The following RPRD1B variants were observed in gnomAD, a reference collection of about 807,000 sequenced individuals.
RPRD1B encodes regulation of nuclear pre-mRNA domain-containing protein 1B.
In RPRD1B, 11 loss-of-function variants were observed where a neutral mutation model predicts 41.5. The ratio of observed to expected loss-of-function variants is 0.27; its 90% CI spans 0.17 to 0.44. The LOEUF is 0.44. RPRD1B is among the 20% of genes least tolerant of loss of function. The pLI is 1.00. For missense variants in RPRD1B, 248 were observed against 389.9 expected, an observed-to-expected ratio of 0.64 and a Z score of 3.06; for synonymous variants, 158 against 155.6, an observed-to-expected ratio of 1.02 and a Z score of -0.12.
intron 1 of RPRD1B, among the ~76,000 whole-genome samples, chr20:38,038,490 G>T (rs143372860): frequency 2.8e-3 from 215 of 76,730 alleles, no homozygotes; most frequent in African/African-American, 6.0e-3. Flanking sequence ...TTTTTGTTTT[G>T]TTTTTTTTTT....
intron 6 of RPRD1B, among the ~76,000 whole-genome samples, chr20:38,080,123 G>A (rs2074499858): frequency 6.6e-6 from 1 of 152,192 alleles, no homozygotes; most frequent in African/African-American, 2.4e-5. Context: ...TTAGGCCTTT[G>A]ATGGTGGCAT....
Position 38,048,460 on chromosome 20 carries a change from T to G in RPRD1B, c.394T>G (p.Ser132Ala). The G allele has an allele frequency of 6.2e-7, 1 of 1,608,806 alleles. No homozygotes were observed. The highest frequency in any genetic ancestry group is 8.5e-7 in the Non-Finnish European group (1 of 1,175,918). ...IQQLKLSMED[S>A]KSPPPKATEE... ...GCAGCTGAAGCTGTCTATGGAGGAC[T>G]CCAAGAGCCCTCCCCCCAAAGGTAG... The change falls in exon 3 of 7, where the codon TCC (serine) becomes GCC (alanine). Residue 132 changes from serine to alanine, a missense_variant. Ser to Ala is a moderately conservative substitution (Grantham distance 99, BLOSUM62 1). Transcript: ENST00000373433.
intron 6 of RPRD1B, chr20:38,083,989 A>T (rs1010866020): frequency 3.3e-5 from 5 of 151,862 alleles, no homozygotes; most frequent in Admixed American, 2.6e-4. Flanking sequence ...TTAAAATGGC[A>T]CTCTTATTTT....
chr20:38,049,908 C>T (rs935576826), intron 3 of RPRD1B: 1 of 463,430 alleles, frequency 2.2e-6, no homozygotes, highest in Non-Finnish European at 4.5e-6. Flanking sequence ...ATTCTTTGGC[C>T]AAACTGAATT....
At chr20:38,046,674 T>A (rs1168372664) in intron 2 of RPRD1B, among the ~76,000 whole-genome samples, 1 of 152,070 alleles carries the variant, frequency 6.6e-6, no homozygotes, top group Non-Finnish European at 1.5e-5. Context: ...TGTGGCCACA[T>A]GGGGAATGTG....
intron 3 of RPRD1B, among the ~76,000 whole-genome samples, chr20:38,053,880 G>A (rs369261188): frequency 3.9e-5 from 6 of 152,306 alleles, no homozygotes; most frequent in East Asian, 3.9e-4. Flanking sequence ...GGATGTGTGC[G>A]TAAGTTATAT....
chr20:38,066,320 GT>G (rs2074355731), intron 6 of RPRD1B, 64 bp downstream of exon 6: 1 of 1,456,464 alleles, frequency 6.9e-7, no homozygotes, highest in Non-Finnish European at 9.4e-7. Context: ...ACATTAGGAG[GT>G]TTTTATTATG....
intron 2 of RPRD1B, among the ~76,000 whole-genome samples, chr20:38,042,489 G>T (rs752072917): frequency 2.6e-5 from 4 of 152,198 alleles, no homozygotes; most frequent in Non-Finnish European, 5.9e-5. Flanking sequence ...TTAAAAACTA[G>T]CCAGGTTTTA....
At chr20:38,076,729 T>C (rs1311737459) in intron 6 of RPRD1B, among the ~76,000 whole-genome samples, 1 of 144,934 alleles carries the variant, frequency 6.9e-6, no homozygotes, top group Non-Finnish European at 1.5e-5. Context: ...CTTGGCTCCC[T>C]TTCTCTTTTT....
At chr20:38,087,180 G>A (rs1485585574) in intron 6 of RPRD1B, among the ~76,000 whole-genome samples, 1 of 152,116 alleles carries the variant, frequency 6.6e-6, no homozygotes, top group East Asian at 1.9e-4. Flanking sequence ...GGCTGGTCTT[G>A]AACTCCTGAC....
intron 3 of RPRD1B, chr20:38,048,743 C>T: frequency 3.6e-6 from 1 of 278,334 alleles, no homozygotes; most frequent in South Asian, 1.4e-4. Flanking sequence ...AGAGACTTTC[C>T]TTGCACAAGG....
At chr20:38,056,184 C>T (rs995458575) in intron 3 of RPRD1B, among the ~76,000 whole-genome samples, 2 of 151,970 alleles carry the variant, frequency 1.3e-5, no homozygotes, top group Admixed American at 6.5e-5. Flanking sequence ...GCCAGGAGTT[C>T]GAGACCAGCC....
chr20:38,039,498 G>A (rs940657677), intron 1 of RPRD1B, among the ~76,000 whole-genome samples: 1 of 151,464 alleles, frequency 6.6e-6, no homozygotes, highest in Non-Finnish European at 1.5e-5. Context: ...TCTACCTCCC[G>A]GATTCAAGCG....
At chr20:38,059,179 T>G (rs571099967) in intron 4 of RPRD1B, among the ~76,000 whole-genome samples, 1 of 152,378 alleles carries the variant, frequency 6.6e-6, no homozygotes, top group East Asian at 1.9e-4. Context: ...ATTTCATTCA[T>G]GTTCTGCCAT....
chr20:38,035,500 A>ATT (rs2073992924), intron 1 of RPRD1B, among the ~76,000 whole-genome samples: 2 of 152,116 alleles, frequency 1.3e-5, no homozygotes, highest in Admixed American at 1.3e-4. Context: ...AATCTTCATG[A>ATT]TTTTTTTCAG....
intron 3 of RPRD1B, among the ~76,000 whole-genome samples, chr20:38,053,242 T>TA (rs1315491106): frequency 1.3e-5 from 2 of 152,160 alleles, no homozygotes; most frequent in Admixed American, 1.3e-4. Context: ...TTTTAATTTT[T>TA]AAAAAAATGT....
intron 1 of RPRD1B, among the ~76,000 whole-genome samples, chr20:38,035,410 G>C (rs1428389715): frequency 1.3e-5 from 2 of 152,216 alleles, no homozygotes; most frequent in Non-Finnish European, 2.9e-5. Context: ...CTACAGGTGA[G>C]GAAACTGAAG....
intron 6 of RPRD1B, among the ~76,000 whole-genome samples, chr20:38,068,609 A>G (rs1370477392): frequency 6.6e-6 from 1 of 152,186 alleles, no homozygotes; most frequent in Non-Finnish European, 1.5e-5. Context: ...CATATTGGCC[A>G]GGCTGGTCTT....
chr20:38,059,394 A>C lies in RPRD1B; in HGVS notation c.529A>C (p.Thr177Pro). 1 of 1,611,490 alleles carries C rather than the reference A, an allele frequency of 6.2e-7. No individual in the cohort carries two copies. The highest frequency in any genetic ancestry group is 8.5e-7 in the Non-Finnish European group (1 of 1,178,752). Residue 177 changes from threonine to proline, a missense_variant and splice_region_variant, in exon 5 of 7, where the codon ACT becomes CCT. Around this residue, in one of 5 missense-constraint regions of RPRD1B, gnomAD observed 94 missense variants for 82.3 expected, o/e 1.14. Transcript: ENST00000373433. ...TGTTGTTTGTGTTTTCATCTTACAG[A>C]CTGAGGAACTAATCAAAGCTTTGCA... The part of the protein sequence containing the change: ...PQDPSAGPLL[T>P]EELIKALQDL...
Sources: gnomAD v4.1 joint callset for allele counts (sites outside exome capture counted in the v4.1 genomes callset) on GRCh38, gnomAD v4.1.1 for gene constraint, gnomAD v4.1.1 regional missense constraint, MANE v1.5 for transcripts, NCBI Gene and HGNC (gene_info 2026-07-23, HGNC 2026-07-21) for gene names.